Variants in MCMDC2 observed in about 807,000 individuals in gnomAD.
MCMDC2 encodes minichromosome maintenance domain containing 2, also known as minichromosome maintenance domain-containing protein 2.
In MCMDC2, 54 loss-of-function variants were observed where a neutral mutation model predicts 75.8. The observed-to-expected ratio is 0.71, with a 90% CI of 0.57 to 0.89. MCMDC2 has a LOEUF of 0.89. MCMDC2 is among the 40% of genes least tolerant of loss of function. MCMDC2 has a pLI of 0.00. For missense variants in MCMDC2, 656 were observed against 780.4 expected, an observed-to-expected ratio of 0.84 and a Z score of 1.90; for synonymous variants, 249 against 274.6, an observed-to-expected ratio of 0.91 and a Z score of 0.92.
intron 8 of MCMDC2, among the ~76,000 whole-genome samples, chr8:66,881,414 C>T (rs1443614019): frequency 2.6e-5 from 4 of 152,198 alleles, no homozygotes; most frequent in Middle Eastern, 3.2e-3. Context: ...CTTGGCTGGG[C>T]GCTGTGGCTC....
intron 5 of MCMDC2, 74 bp from the exon 6 acceptor site, chr8:66,878,500 A>C: frequency 1.4e-6 from 2 of 1,412,318 alleles, no homozygotes; most frequent in East Asian, 2.5e-5. Flanking sequence ...AAATTAAAAA[A>C]TGACAACAAC....
chr8:66,878,406 C>A (rs542423027), intron 5 of MCMDC2, among the ~76,000 whole-genome samples, 168 bp from the exon 6 acceptor site: 3 of 151,926 alleles, frequency 2.0e-5, no homozygotes, highest in African/African-American at 4.8e-5. Context: ...GAATTAATTC[C>A]GTTTTGAATT....
chr8:66,908,528 A>C (rs1812990853), intron 14 of MCMDC2, among the ~76,000 whole-genome samples: 1 of 152,238 alleles, frequency 6.6e-6, no homozygotes, highest in South Asian at 2.1e-4. Context: ...GAGTACGGTA[A>C]TAAGATGAAA....
intron 13 of MCMDC2, among the ~76,000 whole-genome samples, chr8:66,904,636 C>T (rs1812836250): frequency 6.6e-6 from 1 of 152,118 alleles, no homozygotes; most frequent in African/African-American, 2.4e-5. Context: ...TCAGATACAT[C>T]ACTTTTGCTT....
At chr8:66,879,917 A>C (rs1316229806) in intron 7 of MCMDC2, among the ~76,000 whole-genome samples, 1 of 152,140 alleles carries the variant, frequency 6.6e-6, no homozygotes, top group Non-Finnish European at 1.5e-5. Context: ...AAAAAGGAAG[A>C]CCACTCTGAT....
At chr8:66,918,100 G>C (rs368955634) in intron 14 of MCMDC2, among the ~76,000 whole-genome samples, 4 of 152,228 alleles carry the variant, frequency 2.6e-5, no homozygotes, top group African/African-American at 9.6e-5. Flanking sequence ...AATCCTTATA[G>C]GTGTGAGGTA....
chr8:66,907,869 C>A (rs969130961), intron 14 of MCMDC2, among the ~76,000 whole-genome samples: 4 of 151,668 alleles, frequency 2.6e-5, no homozygotes, highest in African/African-American at 9.7e-5. Flanking sequence ...GCATAAATGT[C>A]TTTTTTTTGA....
Position 66,880,945 on chromosome 8 carries a change from C to A in MCMDC2, c.806C>A (p.Ala269Glu). 1 of 1,532,172 alleles carries A rather than the reference C, an allele frequency of 6.5e-7. No individual in the cohort carries two copies. The highest frequency in any genetic ancestry group is 1.4e-5 in the South Asian group (1 of 73,388). 94.9% of individuals were successfully genotyped at this position (1,532,172 alleles called of 1,614,324 possible). A position where few individuals can be genotyped will look rare whatever the true frequency, so the allele number is the denominator to read the frequency against. ...TCACAAACTGCTGTCTGTATAGAAG[C>A]AAATAGCATAACTTTTTGTAATTCA... ...KTSQTAVCIE[A>E]NSITFCNSKV... is the part of the protein sequence containing the mutation. The change falls in exon 8 of 15, where the codon GCA becomes GAA. Residue 269 changes from alanine (A) to glutamate (E), a missense_variant. Transcript: ENST00000422365.
chr8:66,895,199 T>A (rs1291835533), intron 10 of MCMDC2, among the ~76,000 whole-genome samples: 1 of 152,174 alleles, frequency 6.6e-6, no homozygotes, highest in Non-Finnish European at 1.5e-5. Flanking sequence ...TACTGTGTTG[T>A]TTTTTATTGT....
rs992591578 is a variant in MCMDC2, at chr8:66,873,973, A to G, written c.-88-80A>G. On this transcript the variant is annotated intron_variant, in intron 1 of 14. Transcript: ENST00000422365. Reference sequence around the variant, plus strand: ...TGTTTTTAAGTTGGAAATTTTGCCTAGTTTTAGTTCACTGTCAACTTTAAT... The same window carrying G: ...TGTTTTTAAGTTGGAAATTTTGCCTGGTTTTAGTTCACTGTCAACTTTAAT... 80 of 472,576 alleles carry G rather than the reference A, an allele frequency of 1.7e-4. No individual in the cohort carries two copies. In the Admixed American group the frequency reaches 3.1e-3, roughly 18 times the overall value. 29.3% of individuals were successfully genotyped at this position (472,576 alleles called of 1,614,324 possible).
At chr8:66,895,050 A>G (rs1812283042) in intron 10 of MCMDC2, among the ~76,000 whole-genome samples, 1 of 152,190 alleles carries the variant, frequency 6.6e-6, no homozygotes, top group Non-Finnish European at 1.5e-5. Context: ...GCAGATACCA[A>G]AATCCACAGA....
At chr8:66,885,110 G>A (rs1344429191) in intron 9 of MCMDC2, among the ~76,000 whole-genome samples, 1 of 152,008 alleles carries the variant, frequency 6.6e-6, no homozygotes, top group East Asian at 1.9e-4. Context: ...GAGGTGGGTG[G>A]ATCATGAGGT....
chr8:66,909,608 C>T (rs1411373793), intron 14 of MCMDC2, among the ~76,000 whole-genome samples: 1 of 152,210 alleles, frequency 6.6e-6, no homozygotes, highest in East Asian at 1.9e-4. Flanking sequence ...AAGAGAAAGA[C>T]TGGCGCCGTT....
chr8:66,909,415 T>C (rs1813021607), intron 14 of MCMDC2, among the ~76,000 whole-genome samples: 1 of 152,148 alleles, frequency 6.6e-6, no homozygotes, highest in South Asian at 2.1e-4. Flanking sequence ...TGGAACAGTT[T>C]GGAGGGCTCA....
intron 9 of MCMDC2, among the ~76,000 whole-genome samples, 155 bp from the exon 10 acceptor site, chr8:66,890,710 G>A (rs968093168): frequency 2.0e-5 from 3 of 152,052 alleles, no homozygotes. Context: ...CAGTAGAGAC[G>A]GGATTTTACC....
downstream of MCMDC2, among the ~76,000 whole-genome samples, chr8:66,924,937 C>T (rs73262325): frequency 0.019 from 2,916 of 152,292 alleles, 90 homozygotes; most frequent in African/African-American, 0.065. Flanking sequence ...TTCAAAGCCA[C>T]TCACAAAGTA....
intron 14 of MCMDC2, among the ~76,000 whole-genome samples, chr8:66,915,602 A>C (rs1247110048): frequency 6.7e-6 from 1 of 150,308 alleles, no homozygotes; most frequent in African/African-American, 2.4e-5. Flanking sequence ...GAAAAGTGTG[A>C]GTATATATAT....
At chr8:66,884,274 T>C (rs1262753639) in intron 9 of MCMDC2, 1 of 460,270 alleles carries the variant, frequency 2.2e-6, no homozygotes, top group East Asian at 3.3e-5. Flanking sequence ...CTCTGTATTC[T>C]CTTTCTGTAC....
chr8:66,912,940 A>G (rs184438092), intron 14 of MCMDC2, among the ~76,000 whole-genome samples: 1 of 152,194 alleles, frequency 6.6e-6, no homozygotes, highest in East Asian at 1.9e-4. Context: ...AATAAAAAAC[A>G]TAAATAAAAT....
Sources: allele counts gnomAD v4.1 joint callset (sites outside exome capture counted in the v4.1 genomes callset), GRCh38; gene constraint gnomAD v4.1.1; transcripts MANE v1.5; gene names NCBI Gene and HGNC (gene_info 2026-07-23, HGNC 2026-07-21).